MEI1: variants seen among roughly 807,000 people sequenced by gnomAD.
The protein encoded by MEI1 is meiotic double-stranded break formation protein 1.
In MEI1, 103 loss-of-function variants were observed where a neutral mutation model predicts 146.2. The observed-to-expected ratio is 0.70, with a 90% CI of 0.60 to 0.83. MEI1 has a LOEUF of 0.83. Ranked by LOEUF, MEI1 falls within the 40% of genes least tolerant of loss-of-function variation. MEI1 has a pLI of 0.00. For synonymous variants in MEI1, 652 were observed against 628.2 expected, an observed-to-expected ratio of 1.04 and a Z score of -0.57; for missense variants, 1,529 against 1,533.0, an observed-to-expected ratio of 1.00 and a Z score of 0.04.
At chr22:41,786,133 A>T (rs2148196203) in intron 26 of MEI1, among the ~76,000 whole-genome samples, 1 of 149,738 alleles carries the variant, frequency 6.7e-6, no homozygotes, top group East Asian at 2.0e-4. Flanking sequence ...GATGGTCTCG[A>T]TCTCCTGACC....
At chr22:41,721,361 C>A (rs1296515659) in intron 6 of MEI1, among the ~76,000 whole-genome samples, 1 of 150,300 alleles carries the variant, frequency 6.7e-6, no homozygotes, top group Non-Finnish European at 1.5e-5. Context: ...TCTCTTGCCT[C>A]AGCCTCCTGA....
At chr22:41,774,486 CTG>C (rs1430959853) in intron 20 of MEI1, 1 of 152,178 alleles carries the variant, frequency 6.6e-6, no homozygotes, top group East Asian at 1.9e-4. Context: ...GCCTCATACT[CTG>C]TAAAGTAAAG....
In MEI1 at chr22:41,754,916, A is replaced by G. The variant is rs557748806; in HGVS notation, c.1951+870A>G. Among the ~76,000 whole-genome samples, 22 of 152,290 alleles carry G rather than the reference A, an allele frequency of 1.4e-4. No homozygotes were observed. The South Asian group carries it at 4.6e-3, about 32-fold the overall frequency. ...TGGGCAAAAGGATAGAGAGTGATAGAAGGAGGAGAGAGACATGTTAGATAG... is the reference window on the plus strand; with the variant it reads ...TGGGCAAAAGGATAGAGAGTGATAGGAGGAGGAGAGAGACATGTTAGATAG... On this transcript the variant is annotated intron_variant, in intron 17 of 30. Coordinates refer to ENST00000401548, the MANE Select transcript of MEI1 (RefSeq NM_152513.4).
intron 5 of MEI1, among the ~76,000 whole-genome samples, chr22:41,716,843 C>A (rs981924426): frequency 6.6e-6 from 1 of 151,896 alleles, no homozygotes; most frequent in Non-Finnish European, 1.5e-5. Flanking sequence ...GCGCCTGCCA[C>A]CATGCCTGGC....
intron 6 of MEI1, among the ~76,000 whole-genome samples, chr22:41,721,724 T>C (rs2070833299): frequency 1.4e-5 from 2 of 142,436 alleles, no homozygotes; most frequent in Non-Finnish European, 3.1e-5. Flanking sequence ...TACCCCTTTT[T>C]TTTTTTTTTT....
In MEI1 at chr22:41,770,776, C is replaced by G; in HGVS notation, c.2359C>G (p.Leu787Val). The G allele has an allele frequency of 6.2e-7, 1 of 1,613,956 alleles. No homozygotes were observed. The highest frequency in any genetic ancestry group is 1.6e-4 in the Middle Eastern group (1 of 6,062). The part of the protein sequence containing the change: ...THHPLLLRFF[L>V]LYPELMSRYG... ...CCATCCGCTCCTGCTCAGGTTCTTT[C>G]TGTTGTATCCAGAGCTCATGAGTAG... is the stretch of plus-strand genomic sequence containing the variant. The change falls in exon 20 of 31, where the codon CTG (leucine) becomes GTG (valine). Residue 787 changes from leucine (L) to valine (V), a missense_variant. This residue lies in a region of MEI1 where 1,212 missense variants were observed against 1,178.9 expected (regional missense o/e 1.03). Transcript: ENST00000401548.
chr22:41,770,987 C>T, intron 20 of MEI1, 26 bp downstream of exon 20: 2 of 1,605,514 alleles, frequency 1.2e-6, no homozygotes, highest in Non-Finnish European at 8.5e-7. Flanking sequence ...TTCATTTCTA[C>T]ATTCAGAAAT....
chr22:41,745,529 T>C (rs914742411), intron 13 of MEI1, among the ~76,000 whole-genome samples: 2 of 152,034 alleles, frequency 1.3e-5, no homozygotes, highest in African/African-American at 4.8e-5. Context: ...TTGGTATATA[T>C]GTGGGATTTG....
chr22:41,767,522 TG>T (rs566150990), intron 19 of MEI1: 222 of 454,366 alleles, frequency 4.9e-4, no homozygotes, highest in African/African-American at 4.1e-3. Context: ...TCTGTGGGGA[TG>T]GATATTTCAG....
chr22:41,767,524 G>A (rs2074933442), intron 19 of MEI1: 1 of 454,326 alleles, frequency 2.2e-6, no homozygotes, highest in South Asian at 1.5e-5. Flanking sequence ...TGTGGGGATG[G>A]ATATTTCAGA....
intron 19 of MEI1, among the ~76,000 whole-genome samples, chr22:41,767,089 G>A (rs1280209117): frequency 1.3e-5 from 2 of 152,166 alleles, no homozygotes; most frequent in African/African-American, 2.4e-5. Context: ...AGATGAGGTA[G>A]TGCTGCAAGG....
intron 28 of MEI1, 104 bp downstream of exon 28, chr22:41,794,581 A>G: frequency 1.1e-6 from 1 of 927,672 alleles, no homozygotes. Context: ...TCCTTAAAGA[A>G]GGTGGAAGGG....
At chr22:41,790,855 C>T (rs1483643811) in intron 26 of MEI1, among the ~76,000 whole-genome samples, 1 of 152,122 alleles carries the variant, frequency 6.6e-6, no homozygotes, top group Non-Finnish European at 1.5e-5. Context: ...CCCCGAAGTG[C>T]TGGGATTACA....
intron 19 of MEI1, among the ~76,000 whole-genome samples, chr22:41,765,086 C>T (rs1018570082): frequency 6.6e-6 from 1 of 152,194 alleles, no homozygotes; most frequent in African/African-American, 2.4e-5. Flanking sequence ...CTCACTGTAA[C>T]CTCCGCTTCC....
chr22:41,701,398 A>G (rs2068716030), intron 1 of MEI1, among the ~76,000 whole-genome samples: 1 of 152,050 alleles, frequency 6.6e-6, no homozygotes, highest in Non-Finnish European at 1.5e-5. Flanking sequence ...TGGGAGGCCG[A>G]GGTGGTTGGA....
At chr22:41,763,599 C>T (rs1451733784) in intron 19 of MEI1, among the ~76,000 whole-genome samples, 1 of 151,878 alleles carries the variant, frequency 6.6e-6, no homozygotes, top group South Asian at 2.1e-4. Context: ...TCTATAATCC[C>T]AGCACTTTGG....
intron 18 of MEI1, among the ~76,000 whole-genome samples, chr22:41,760,189 A>G (rs1160888374): frequency 6.6e-6 from 1 of 152,044 alleles, no homozygotes. Flanking sequence ...GGGTGCCTGT[A>G]GTCCCAGCTA....
intron 3 of MEI1, among the ~76,000 whole-genome samples, chr22:41,713,391 C>G (rs1601678481): frequency 1.3e-5 from 2 of 151,628 alleles, no homozygotes; most frequent in South Asian, 4.1e-4. Context: ...TGCTTGAGCC[C>G]AGGAGTTCAA....
At chr22:41,761,022 C>G (rs1436626239) in intron 18 of MEI1, among the ~76,000 whole-genome samples, 1 of 152,030 alleles carries the variant, frequency 6.6e-6, no homozygotes, top group East Asian at 1.9e-4. Flanking sequence ...GAGGGTCTGT[C>G]TCTTCCCTCA....
Sources: allele counts gnomAD v4.1 joint callset (sites outside exome capture counted in the v4.1 genomes callset), GRCh38; gene constraint gnomAD v4.1.1; regional missense constraint gnomAD v4.1.1; transcripts MANE v1.5; gene names NCBI Gene and HGNC (gene_info 2026-07-23, HGNC 2026-07-21).